Variants in CTNNA3 observed in about 807,000 individuals in gnomAD.
CTNNA3 encodes catenin alpha 3.
Under a neutral mutation model 95.7 loss-of-function variants are expected in CTNNA3, and 76 were observed. The observed-to-expected ratio is 0.79, with a 90% CI of 0.66 to 0.96. CTNNA3 has a LOEUF of 0.96. Among genes scored for constraint, CTNNA3 ranks in the 40% least tolerant of loss-of-function variants. CTNNA3 has a pLI of 0.00. For missense variants in CTNNA3, 1,191 were observed against 1,089.8 expected, an observed-to-expected ratio of 1.09 and a Z score of -1.31; for synonymous variants, 431 against 374.4, an observed-to-expected ratio of 1.15 and a Z score of -1.74.
intron 5 of CTNNA3, among the ~76,000 whole-genome samples, chr10:67,249,256 A>T (rs149348959): frequency 6.6e-6 from 1 of 152,324 alleles, no homozygotes; most frequent in East Asian, 1.9e-4. Flanking sequence ...ACAATTACTC[A>T]TTAAAAAATG....
At chr10:66,768,233 T>C (rs905940036) in intron 8 of CTNNA3, among the ~76,000 whole-genome samples, 1 of 152,202 alleles carries the variant, frequency 6.6e-6, no homozygotes, top group African/African-American at 2.4e-5. Flanking sequence ...ATGTAGATTA[T>C]TCTTTTCTTC....
intron 7 of CTNNA3, among the ~76,000 whole-genome samples, chr10:66,816,092 G>A (rs542285659): frequency 1.3e-5 from 2 of 152,204 alleles, no homozygotes; most frequent in East Asian, 3.9e-4. Flanking sequence ...GCAAAGTTTT[G>A]TGCTCTACTA....
At chr10:66,527,030 T>C (rs1841292467) in intron 10 of CTNNA3, among the ~76,000 whole-genome samples, 1 of 152,172 alleles carries the variant, frequency 6.6e-6, no homozygotes, top group Non-Finnish European at 1.5e-5. Flanking sequence ...TGTCACTCTA[T>C]GTTTTCTTCT....
intron 12 of CTNNA3, among the ~76,000 whole-genome samples, chr10:66,363,243 C>T (rs1188412823): frequency 6.6e-6 from 1 of 152,134 alleles, no homozygotes; most frequent in Non-Finnish European, 1.5e-5. Context: ...AACCTAGATG[C>T]TGTGGACTGA....
At chr10:67,626,798 C>T (rs536778764) in intron 2 of CTNNA3, among the ~76,000 whole-genome samples, 1 of 151,558 alleles carries the variant, frequency 6.6e-6, no homozygotes, top group African/African-American at 2.4e-5. Context: ...TGTGTCTATA[C>T]ATGTGTTTGC....
chr10:67,551,904 GACTAAAGAGGAAAGAAGAGGTCAAAA>G (rs1299406140), intron 3 of CTNNA3, among the ~76,000 whole-genome samples: 14 of 152,090 alleles, frequency 9.2e-5, no homozygotes, highest in African/African-American at 2.9e-4. Flanking sequence ...AAATGCCATA[GACTAAAGAGGAAAGAAGAGGTCAAAA>G]ATATTGGGTA....
intron 7 of CTNNA3, among the ~76,000 whole-genome samples, chr10:67,122,662 A>G (rs1426676487): frequency 1.3e-5 from 2 of 152,070 alleles, no homozygotes; most frequent in African/African-American, 4.8e-5. Context: ...TCTCTAGATT[A>G]TTTGTTTCCA....
intron 3 of CTNNA3, among the ~76,000 whole-genome samples, chr10:67,586,961 C>G (rs1230080590): frequency 1.3e-5 from 2 of 152,080 alleles, no homozygotes; most frequent in African/African-American, 4.8e-5. Flanking sequence ...TGAGCTTGCT[C>G]TACCAATGAC....
At chr10:66,550,095 T>G (rs1211982557) in intron 10 of CTNNA3, among the ~76,000 whole-genome samples, 1 of 152,168 alleles carries the variant, frequency 6.6e-6, no homozygotes, top group East Asian at 1.9e-4. Context: ...TATCAATTTA[T>G]GCTCCATAAA....
At chr10:66,670,471 G>GA (rs1846620441) in intron 9 of CTNNA3, among the ~76,000 whole-genome samples, 1 of 152,020 alleles carries the variant, frequency 6.6e-6, no homozygotes, top group Non-Finnish European at 1.5e-5. Flanking sequence ...CACTTTCCTT[G>GA]GCTCAGCGTC....
At chr10:67,401,591 G>T (rs1844924988) in intron 5 of CTNNA3, among the ~76,000 whole-genome samples, 1 of 152,130 alleles carries the variant, frequency 6.6e-6, no homozygotes, top group Non-Finnish European at 1.5e-5. Context: ...CCCTAAGGGA[G>T]CCCCGTGGCC....
chr10:66,272,566 C>A (rs1265265863), intron 13 of CTNNA3, among the ~76,000 whole-genome samples: 2 of 151,922 alleles, frequency 1.3e-5, no homozygotes, highest in African/African-American at 4.8e-5. Context: ...TGGGTGGAGA[C>A]AATGCACCAC....
intron 5 of CTNNA3, among the ~76,000 whole-genome samples, chr10:67,422,192 T>G (rs765293245): frequency 2.6e-5 from 4 of 152,102 alleles, no homozygotes; most frequent in Non-Finnish European, 4.4e-5. Context: ...CTGACAAAAT[T>G]TGAATATGTG....
intron 16 of CTNNA3, among the ~76,000 whole-genome samples, chr10:65,967,450 A>G (rs532302556): frequency 2.0e-5 from 3 of 152,160 alleles, no homozygotes; most frequent in African/African-American, 7.2e-5. Flanking sequence ...CTTGAGACTC[A>G]TGGTCTCTAC....
At chr10:67,466,633 G>A (rs1203658119) in intron 5 of CTNNA3, among the ~76,000 whole-genome samples, 7 of 152,166 alleles carry the variant, frequency 4.6e-5, no homozygotes, top group African/African-American at 1.4e-4. Context: ...TATCCAAAGC[G>A]GGACAAAATG....
chr10:66,264,181 G>A (rs1446237761), intron 13 of CTNNA3, among the ~76,000 whole-genome samples: 1 of 151,812 alleles, frequency 6.6e-6, no homozygotes, highest in African/African-American at 2.4e-5. Context: ...AATATCTAAA[G>A]GCCACTAAAT....
chr10:66,400,493 T>A (rs2093012020), intron 11 of CTNNA3, among the ~76,000 whole-genome samples: 1 of 152,086 alleles, frequency 6.6e-6, no homozygotes, highest in African/African-American at 2.4e-5. Flanking sequence ...CTGTCGATAT[T>A]GGCATGTGTG....
chr10:66,078,285 T>G (rs1004433135), intron 14 of CTNNA3, among the ~76,000 whole-genome samples: 2 of 151,948 alleles, frequency 1.3e-5, no homozygotes, highest in African/African-American at 4.8e-5. Context: ...CTATTAACTG[T>G]CATCTTCCCA....
intron 5 of CTNNA3, among the ~76,000 whole-genome samples, chr10:67,515,025 T>C (rs1033626799): frequency 1.1e-4 from 16 of 152,198 alleles, no homozygotes; most frequent in Admixed American, 9.8e-4. Context: ...GTCTCTATAA[T>C]GTTTTTACTT....
Sources: gnomAD v4.1 joint callset for allele counts (sites outside exome capture counted in the v4.1 genomes callset) on GRCh38, gnomAD v4.1.1 for gene constraint, MANE v1.5 for transcripts, NCBI Gene and HGNC (gene_info 2026-07-23, HGNC 2026-07-21) for gene names.